Variants in CCDC73 observed in about 807,000 individuals in gnomAD.
CCDC73 encodes coiled-coil domain-containing protein 73.
Under a neutral mutation model 116.5 loss-of-function variants are expected in CCDC73, and 95 were observed. The ratio of observed to expected loss-of-function variants is 0.82; its 90% CI spans 0.69 to 0.97. The LOEUF (loss-of-function observed/expected upper bound fraction) is 0.97. CCDC73 is among the 50% of genes least tolerant of loss of function. The pLI is 0.00. For synonymous variants in CCDC73, 398 were observed against 401.3 expected (o/e 0.99, Z 0.10); for missense variants, 1,066 against 1,206.8 (o/e 0.88, Z 1.73).
chr11:32,762,878 G>T (rs1320806043), intron 1 of CCDC73, among the ~76,000 whole-genome samples: 1 of 152,100 alleles, frequency 6.6e-6, no homozygotes, highest in African/African-American at 2.4e-5. Context: ...ACAGCACCTG[G>T]AAAATCGAGT....
At chr11:32,733,791 G>A (rs1292310126) in intron 2 of CCDC73, among the ~76,000 whole-genome samples, 1 of 152,132 alleles carries the variant, frequency 6.6e-6, no homozygotes, top group African/African-American at 2.4e-5. Context: ...GAAATTTATA[G>A]CACTAAATGC....
At chr11:32,683,367 T>C in intron 7 of CCDC73, 169 bp downstream of exon 7, 1 of 627,806 alleles carries the variant, frequency 1.6e-6, no homozygotes, top group Non-Finnish European at 2.9e-6. Flanking sequence ...ATAATTCATT[T>C]ATGCAACATG....
chr11:32,688,647 T>C (rs772540874), intron 6 of CCDC73, among the ~76,000 whole-genome samples: 3 of 152,204 alleles, frequency 2.0e-5, no homozygotes, highest in African/African-American at 4.8e-5. Context: ...AATGAGATGA[T>C]AGAGCATCAG....
chr11:32,721,029 T>G (rs1849985240), intron 2 of CCDC73, among the ~76,000 whole-genome samples: 1 of 152,178 alleles, frequency 6.6e-6, no homozygotes. Context: ...TTTTATTTTT[T>G]ATTTTTTGAG....
chr11:32,669,101 AT>A (rs1856013065), intron 9 of CCDC73, among the ~76,000 whole-genome samples: 1 of 152,180 alleles, frequency 6.6e-6, no homozygotes, highest in Non-Finnish European at 1.5e-5. Context: ...TAAAACAACT[AT>A]GGATACTGAA....
chr11:32,649,207 GA>G (rs992167882), intron 12 of CCDC73, among the ~76,000 whole-genome samples: 4 of 151,868 alleles, frequency 2.6e-5, no homozygotes, highest in Admixed American at 6.6e-5. Context: ...AACCATCTCT[GA>G]AAAAAATTGA....
At chr11:32,800,549 A>G in the CCDC73 span, among the ~76,000 whole-genome samples, 1 of 152,232 alleles carries the variant, frequency 6.6e-6, no homozygotes. Flanking sequence ...ATGAAAAGCA[A>G]TAAAACAAAC....
At chr11:32,613,322 C>T (rs1315054284) in intron 16 of CCDC73, 100 bp downstream of exon 16, 12 of 1,004,472 alleles carry the variant, frequency 1.2e-5, no homozygotes, top group South Asian at 3.7e-5. Context: ...TAAAATAAGA[C>T]GAACTTTTAA....
chr11:32,776,370 G>A (rs560463282), intron 1 of CCDC73, among the ~76,000 whole-genome samples: 30 of 152,022 alleles, frequency 2.0e-4, no homozygotes, highest in African/African-American at 5.5e-4. Flanking sequence ...AGTTCTTTTT[G>A]TATACAAATC....
the CCDC73 span, among the ~76,000 whole-genome samples, chr11:32,810,520 CTCTT>C: frequency 2.8e-4 from 42 of 152,284 alleles, no homozygotes; most frequent in African/African-American, 9.9e-4. Context: ...TAAACCAGTG[CTCTT>C]TCTAATTCAG....
chr11:32,659,616 G>A (rs1011796509), intron 9 of CCDC73, among the ~76,000 whole-genome samples: 2 of 152,078 alleles, frequency 1.3e-5, no homozygotes, highest in African/African-American at 4.8e-5. Context: ...CCATAAATTT[G>A]TACAAAACAC....
intron 14 of CCDC73, among the ~76,000 whole-genome samples, chr11:32,628,098 C>T (rs139566220): frequency 3.3e-4 from 50 of 152,250 alleles, no homozygotes; most frequent in Non-Finnish European, 5.9e-4. Flanking sequence ...ACTTGACTTG[C>T]CTTCCCACTG....
At chr11:32,734,425 CTT>C (rs34093038) in intron 2 of CCDC73, among the ~76,000 whole-genome samples, 69,783 of 131,066 alleles carry the variant, frequency 0.53, 17,736 homozygotes, top group East Asian at 0.81. Flanking sequence ...ATTTTTTTTT[CTT>C]TTTTTTTTTT....
rs770261848 is a variant in CCDC73 at position 32,699,342 on chromosome 11, G to A, written c.316-17C>T. 1.4e-5 allele frequency: 22 copies of A among 1,534,784 alleles called. No homozygotes were observed. The South Asian group carries it at 1.8e-4, about 12-fold the overall frequency. On this transcript the variant is annotated splice_polypyrimidine_tract_variant and intron_variant, in intron 5 of 17. Coordinates refer to ENST00000335185, the MANE Select transcript of CCDC73 (RefSeq NM_001008391.4). ...ATATTTTCCCTTTAAGTAAAAAACTGTATTTCAATACTTTCCAATGTAAAT... is the reference window on the plus strand; with the variant it reads ...ATATTTTCCCTTTAAGTAAAAAACTATATTTCAATACTTTCCAATGTAAAT...
intron 17 of CCDC73, chr11:32,603,344 A>G (rs1421874870): frequency 4.5e-6 from 1 of 224,340 alleles, no homozygotes; most frequent in Non-Finnish European, 8.7e-6. Context: ...CATGTTTTCA[A>G]GACACTGTAT....
Position 32,629,921 on chromosome 11 carries a change from C to CAAAAAAAAAAAA in CCDC73, c.1185+5763_1185+5774dup, listed in dbSNP as rs367693675. On this transcript the variant is annotated intron_variant, in intron 14 of 17. Coordinates refer to ENST00000335185, the MANE Select transcript of CCDC73 (RefSeq NM_001008391.4). ...GCTGGAAAGAATTCCAGCAGATATG[C>CAAAAAAAAAAAA]AAAAAAAAAAAAACAAAAAAAAAAC... 2.3e-3 allele frequency among the ~76,000 whole-genome samples: 127 copies of CAAAAAAAAAAAA among 55,380 alleles called. 2 individuals carry two copies. Among genetic ancestry groups the CAAAAAAAAAAAA allele is most frequent in the Non-Finnish European group, 3.1e-3 (76 of 24,510 alleles). The allele number at this position is 55,380 out of a possible 152,430, so 36.3% of individuals were successfully genotyped here.
chr11:32,807,172 G>A, the CCDC73 span, among the ~76,000 whole-genome samples: 1 of 152,196 alleles, frequency 6.6e-6, no homozygotes, highest in Non-Finnish European at 1.5e-5. Flanking sequence ...ACTGCACTTT[G>A]GGTGTGACTG....
At chr11:32,642,220 A>C (rs1049811573) in intron 12 of CCDC73, 138 bp from the exon 13 acceptor site, 3 of 1,018,942 alleles carry the variant, frequency 2.9e-6, no homozygotes, top group Admixed American at 4.3e-5. Flanking sequence ...TCTCAACAAT[A>C]ATTTTCATAA....
chr11:32,614,877 G>A lies in CCDC73; in HGVS notation c.1441C>T (p.Gln481Ter). The A allele has an allele frequency of 6.2e-7, 1 of 1,611,476 alleles. No homozygotes were observed. The highest frequency in any genetic ancestry group is 1.3e-5 in the African/African-American group (1 of 74,906). ...IDTVVSQDEN[Q>*]SEISLSKTLS... The stretch of plus-strand genomic sequence containing the variant: ...GTTTTGCTTAAGGAGATTTCACTTT[G>A]ATTTTCATCCTGAGAAACAACAGTA... Residue 481 changes from glutamine (Q) to a stop codon, truncating the protein, a stop_gained, in exon 16 of 18, where the codon CAA (glutamine) becomes TAA (stop). Transcript: ENST00000335185. LOFTEE classifies it high-confidence loss of function.
Sources: allele counts gnomAD v4.1 joint callset (sites outside exome capture counted in the v4.1 genomes callset), GRCh38; gene constraint gnomAD v4.1.1; transcripts MANE v1.5; gene names NCBI Gene and HGNC (gene_info 2026-07-23, HGNC 2026-07-21).